STON1: variants seen among roughly 807,000 people sequenced by gnomAD.
The protein encoded by STON1 is stonin-1.
In STON1, 79 loss-of-function variants were observed where a neutral mutation model predicts 60.9. The observed-to-expected ratio is 1.30, with a 90% CI of 1.08 to 1.56. STON1 has a LOEUF of 1.56. Ranked by LOEUF, STON1 falls within the 40% of genes most tolerant of loss-of-function variation. STON1 has a pLI of 0.00. For missense variants in STON1, 1,166 were observed against 858.9 expected, an observed-to-expected ratio of 1.36 and a Z score of -4.47; for synonymous variants, 363 against 306.9, an observed-to-expected ratio of 1.18 and a Z score of -1.91.
chr2:48,564,630 C>CT lies in STON1; in HGVS notation c.-47-15956dup, dbSNP rs1440320331. Among the ~76,000 whole-genome samples the CT allele has an allele frequency of 1.4e-4, 17 of 117,906 alleles. 2 individuals are homozygous for CT. Among genetic ancestry groups the CT allele is most frequent in the African/African-American group, 5.4e-4 (15 of 27,682 alleles). 77.4% of individuals were successfully genotyped at this position (117,906 alleles called of 152,430 possible). A position where few individuals can be genotyped will look rare whatever the true frequency, so the allele number is the denominator to read the frequency against. On this transcript the variant is annotated intron_variant, in intron 1 of 3. Transcript: ENST00000404752. ...TCTCCTTCTCCTTCTCCTTCTCCTT[C>CT]TCTTTCTCCTTCTCCTTCTTCTTCT...
chr2:48,558,595 T>A (rs928828811), intron 1 of STON1, among the ~76,000 whole-genome samples: 1 of 152,246 alleles, frequency 6.6e-6, no homozygotes, highest in African/African-American at 2.4e-5. Context: ...TGTATCTGCT[T>A]ACTGGGGTGA....
At chr2:48,537,845 A>G (rs1303068783) in intron 1 of STON1, among the ~76,000 whole-genome samples, 2 of 146,962 alleles carry the variant, frequency 1.4e-5, no homozygotes, top group Non-Finnish European at 3.0e-5. Flanking sequence ...GCAAGACTTC[A>G]TCTCAAAAAA....
At chr2:48,577,328 A>T (rs746615899) in intron 1 of STON1, among the ~76,000 whole-genome samples, 5 of 151,986 alleles carry the variant, frequency 3.3e-5, no homozygotes, top group African/African-American at 7.2e-5. Context: ...CATCCCTATA[A>T]TCCCAGCACT....
At chr2:48,537,462 G>A (rs1671475265) in intron 1 of STON1, among the ~76,000 whole-genome samples, 1 of 152,068 alleles carries the variant, frequency 6.6e-6, no homozygotes, top group African/African-American at 2.4e-5. Context: ...TACATATACA[G>A]GTATATTATT....
chr2:48,557,479 C>T (rs924471723), intron 1 of STON1, among the ~76,000 whole-genome samples: 1 of 107,196 alleles, frequency 9.3e-6, no homozygotes, highest in African/African-American at 3.3e-5. Flanking sequence ...GGGCTCCTCA[C>T]ATCCCAGACG....
chr2:48,591,785 G>C lies in STON1; in HGVS notation c.2063G>C (p.Arg688Thr), dbSNP rs569579970. 6.2e-7 allele frequency: 1 copy of C among 1,614,202 alleles called. No individual in the cohort carries two copies. Among genetic ancestry groups the C allele is most frequent in the South Asian group, 1.1e-5 (1 of 91,086 alleles). ...ACCTGTGCCTCAAGGACAGAGGTCA[G>C]GTCTCTGGGAGTGGAGAGTGATGTC... The part of the protein sequence containing the change: ...PDTCASRTEV[R>T]SLGVESDVQP... The change falls in exon 3 of 4, where the codon AGG (arginine) becomes ACG (threonine). Residue 688 changes from arginine to threonine, a missense_variant. Coordinates refer to ENST00000404752, the MANE Select transcript of STON1 (RefSeq NM_006873.4).
chr2:48,592,223 T>C lies in STON1; in HGVS notation c.2133+368T>C, dbSNP rs148477397. Among the ~76,000 whole-genome samples the C allele has an allele frequency of 6.7e-3, 1,018 of 152,252 alleles. 6 individuals carry two copies. The highest frequency in any genetic ancestry group is 0.01 in the Non-Finnish European group (710 of 68,012). ...CAAAAGAATAAGTTGGGGAATGCCG[T>C]ATACTAAATTAATGTTAAATAAAGG... is the stretch of plus-strand genomic sequence containing the variant. On this transcript the variant is annotated intron_variant, in intron 3 of 3. Transcript: ENST00000404752.
At chr2:48,572,638 G>T (rs1013353801) in intron 1 of STON1, among the ~76,000 whole-genome samples, 1 of 152,202 alleles carries the variant, frequency 6.6e-6, no homozygotes. Flanking sequence ...GAAAACTGAT[G>T]AGGTGAAATT....
At chr2:48,566,095 T>G (rs1007875286) in intron 1 of STON1, among the ~76,000 whole-genome samples, 2 of 152,238 alleles carry the variant, frequency 1.3e-5, no homozygotes, top group African/African-American at 2.4e-5. Flanking sequence ...AGATTTTTAA[T>G]TGGTAATAAC....
intron 1 of STON1, among the ~76,000 whole-genome samples, chr2:48,563,578 C>A (rs1672697517): frequency 6.6e-6 from 1 of 152,172 alleles, no homozygotes; most frequent in African/African-American, 2.4e-5. Context: ...GCCGAGGTGT[C>A]CAGAGGTAAA....
intron 1 of STON1, among the ~76,000 whole-genome samples, chr2:48,541,699 C>CAAAAA (rs71399061): frequency 6.6e-5 from 4 of 60,694 alleles, no homozygotes; most frequent in Middle Eastern, 0.015. Flanking sequence ...AACTTCGTCT[C>CAAAAA]AAAAAAAAAA....
Position 48,595,604 on chromosome 2 carries a change from G to C in STON1, c.*302G>C, listed in dbSNP as rs766407629. The C allele has an allele frequency of 8.7e-6, 3 of 344,946 alleles. No homozygotes were observed. The highest frequency in any genetic ancestry group is 1.6e-5 in the Non-Finnish European group (3 of 187,912). 21.4% of individuals were successfully genotyped at this position (344,946 alleles called of 1,614,324 possible). On this transcript the variant is annotated 3_prime_UTR_variant, in exon 4 of 4. Coordinates refer to ENST00000404752, the MANE Select transcript of STON1 (RefSeq NM_006873.4). ...TGACCCCGCAGCCAGTATGATTTTT[G>C]ATTACTCAGTGGCTGACTGTTTTGC...
intron 1 of STON1, among the ~76,000 whole-genome samples, chr2:48,576,512 T>TC (rs1673509407): frequency 6.6e-6 from 1 of 151,448 alleles, no homozygotes; most frequent in African/African-American, 2.4e-5. Context: ...TTTTTTTTTT[T>TC]TTTAAAAGAA....
intron 2 of STON1, among the ~76,000 whole-genome samples, chr2:48,584,744 T>C (rs4566410): frequency 0.32 from 49,042 of 152,002 alleles, 8,095 homozygotes; most frequent in East Asian, 0.42. Context: ...AGAACACTGC[T>C]CTCCAGGTGT....
intron 1 of STON1, among the ~76,000 whole-genome samples, chr2:48,537,901 T>A (rs1238093751): frequency 6.6e-6 from 1 of 151,192 alleles, no homozygotes; most frequent in African/African-American, 2.4e-5. Flanking sequence ...GTTCTTATAT[T>A]GTTTGGTATC....
At chr2:48,585,706 A>G (rs575611067) in intron 2 of STON1, among the ~76,000 whole-genome samples, 4 of 152,316 alleles carry the variant, frequency 2.6e-5, no homozygotes, top group African/African-American at 9.6e-5. Flanking sequence ...ACAAAATCAG[A>G]GTATTAGCTT....
At chr2:48,564,480 T>TTTCTTCTTCTTCTTCTTCTTCTTCTTC (rs869188236) in intron 1 of STON1, among the ~76,000 whole-genome samples, 2 of 32,480 alleles carry the variant, frequency 6.2e-5, no homozygotes, top group African/African-American at 1.2e-4. Flanking sequence ...CTTCTTCTTC[T>TTTCTTCTTCTTCTTCTTCTTCTTCTTC]TTCTTCTTCT....
Position 48,582,156 on chromosome 2 carries a change from A to T in STON1, c.1523A>T (p.Asp508Val). ...QSRIIKFVPL[D>V]ACRFELMRFK... ...AGAATCATTAAGTTTGTACCTCTGG[A>T]TGCCTGCCGGTTTGAGCTGATGCGT... Residue 508 changes from aspartate (D) to valine (V), a missense_variant, in exon 2 of 4, where the codon GAT (aspartate) becomes GTT (valine). Asp to Val is a radical substitution (Grantham distance 152). Transcript: ENST00000404752. The T allele has an allele frequency of 1.2e-6, 2 of 1,614,244 alleles. No homozygotes were observed. The highest frequency in any genetic ancestry group is 3.3e-4 in the Middle Eastern group (2 of 6,062).
chr2:48,592,560 T>C (rs891263168), intron 3 of STON1, among the ~76,000 whole-genome samples: 2 of 150,708 alleles, frequency 1.3e-5, no homozygotes, highest in Admixed American at 1.3e-4. Context: ...GCCTCTCAAG[T>C]AACTGGGATT....
Sources: gnomAD v4.1 joint callset for allele counts (sites outside exome capture counted in the v4.1 genomes callset) on GRCh38, gnomAD v4.1.1 for gene constraint, MANE v1.5 for transcripts, NCBI Gene and HGNC (gene_info 2026-07-23, HGNC 2026-07-21) for gene names.